MCU: variants seen among roughly 807,000 people sequenced by gnomAD.
The protein encoded by MCU is calcium uniporter protein, mitochondrial.
In MCU, 12 loss-of-function variants were observed where a neutral mutation model predicts 45.2. The ratio of observed to expected loss-of-function variants is 0.27; its 90% CI spans 0.17 to 0.43. The LOEUF (loss-of-function observed/expected upper bound fraction) is 0.43. Ranked by LOEUF, MCU falls within the 20% of genes least tolerant of loss-of-function variation. The pLI, the probability that MCU is intolerant of heterozygous loss-of-function variation, is 1.00. For synonymous variants in MCU, 160 were observed against 165.1 expected, an observed-to-expected ratio of 0.97 and a Z score of 0.24; for missense variants, 324 against 436.7, an observed-to-expected ratio of 0.74 and a Z score of 2.30.
chr10:72,764,084 A>G (rs1306402031), intron 1 of MCU, among the ~76,000 whole-genome samples: 1 of 152,150 alleles, frequency 6.6e-6, no homozygotes, highest in East Asian at 1.9e-4. Context: ...AGCTGACTTT[A>G]TTTCCTTTAG....
chr10:72,836,932 C>T (rs1221521623), intron 2 of MCU, among the ~76,000 whole-genome samples: 1 of 152,168 alleles, frequency 6.6e-6, no homozygotes, highest in Non-Finnish European at 1.5e-5. Flanking sequence ...TCACTCCCTG[C>T]TCTTTGTTGT....
chr10:72,798,591 C>T (rs1037641550), intron 1 of MCU, among the ~76,000 whole-genome samples: 12 of 152,040 alleles, frequency 7.9e-5, no homozygotes, highest in Non-Finnish European at 1.0e-4. Flanking sequence ...ATTTTGTATG[C>T]TCCTCTCAGG....
intron 1 of MCU, among the ~76,000 whole-genome samples, chr10:72,787,204 G>T (rs1462982406): frequency 6.6e-6 from 1 of 152,098 alleles, no homozygotes; most frequent in Non-Finnish European, 1.5e-5. Flanking sequence ...GGCCACTCCC[G>T]CCCACGGTAA....
At chr10:72,813,129 A>G (rs1050216497) in intron 1 of MCU, among the ~76,000 whole-genome samples, 11 of 152,158 alleles carry the variant, frequency 7.2e-5, no homozygotes. Flanking sequence ...GTTCGTTCAA[A>G]CAGATTCCCC....
chr10:72,883,772 G>A (rs1372423267), intron 6 of MCU, among the ~76,000 whole-genome samples: 1 of 152,078 alleles, frequency 6.6e-6, no homozygotes, highest in Non-Finnish European at 1.5e-5. Context: ...CACACAAAAG[G>A]TGAATTTCAC....
intron 1 of MCU, among the ~76,000 whole-genome samples, chr10:72,795,988 A>C (rs993143685): frequency 2.6e-5 from 4 of 151,304 alleles, no homozygotes; most frequent in Admixed American, 2.0e-4. Context: ...ACAGAGCAAG[A>C]CTCCATCTCA....
At chr10:72,717,115 C>T (rs1420501330) in intron 1 of MCU, among the ~76,000 whole-genome samples, 1 of 136,578 alleles carries the variant, frequency 7.3e-6, no homozygotes, top group Non-Finnish European at 1.6e-5. Context: ...TATTTCCTTT[C>T]TCTCTCTCTC....
At chr10:72,820,547 G>T (rs544908798) in intron 1 of MCU, among the ~76,000 whole-genome samples, 233 of 149,122 alleles carry the variant, frequency 1.6e-3, no homozygotes, top group African/African-American at 5.5e-3. Flanking sequence ...AGTCTCACTT[G>T]TTGCTCAGGC....
chr10:72,700,651 C>T (rs1213211985), intron 1 of MCU, among the ~76,000 whole-genome samples: 1 of 152,120 alleles, frequency 6.6e-6, no homozygotes, highest in African/African-American at 2.4e-5. Context: ...TAAATTTTTT[C>T]ACCAATTGGG....
chr10:72,697,537 G>A (rs1334554315), intron 1 of MCU, among the ~76,000 whole-genome samples: 2 of 149,046 alleles, frequency 1.3e-5, no homozygotes, highest in South Asian at 4.2e-4. Context: ...TGGTTCAAGC[G>A]ATTCTCCTGC....
At chr10:72,869,998 C>T (rs544142069) in intron 5 of MCU, among the ~76,000 whole-genome samples, 29 of 152,036 alleles carry the variant, frequency 1.9e-4, no homozygotes, top group Non-Finnish European at 3.2e-4. Context: ...TATATACATA[C>T]ACAGAGAAAG....
At chr10:72,771,365 A>G (rs1005664360) in intron 1 of MCU, among the ~76,000 whole-genome samples, 2 of 152,212 alleles carry the variant, frequency 1.3e-5, no homozygotes, top group African/African-American at 2.4e-5. Flanking sequence ...TGTAAAGGAC[A>G]CAAACTCATC....
At chr10:72,785,824 A>G (rs752377182) in intron 1 of MCU, among the ~76,000 whole-genome samples, 1 of 152,216 alleles carries the variant, frequency 6.6e-6, no homozygotes, top group Non-Finnish European at 1.5e-5. Flanking sequence ...AAATGGATGA[A>G]GAAAATCCTT....
intron 6 of MCU, among the ~76,000 whole-genome samples, chr10:72,883,131 A>G (rs973920512): frequency 1.3e-5 from 2 of 152,222 alleles, no homozygotes; most frequent in African/African-American, 2.4e-5. Context: ...ACAAAAGGCC[A>G]CATATTGTAT....
chr10:72,723,624 TG>T (rs1481505676), intron 1 of MCU, among the ~76,000 whole-genome samples: 3 of 152,234 alleles, frequency 2.0e-5, no homozygotes, highest in Non-Finnish European at 4.4e-5. Flanking sequence ...AACTATATTT[TG>T]CTTTTTTTGC....
rs144721919 is a variant in MCU at position 72,724,399 on chromosome 10, T to C, written c.150+32098T>C. Among the ~76,000 whole-genome samples the C allele has an allele frequency of 5.9e-3, 906 of 152,352 alleles. 12 individuals are homozygous for C. The highest frequency in any genetic ancestry group is 0.021 in the African/African-American group (853 of 41,572). On this transcript the variant is annotated intron_variant, in intron 1 of 7. Coordinates refer to ENST00000373053, the MANE Select transcript of MCU (RefSeq NM_138357.3). ...CCTTTGCTGTGAACTAAAACTCATG[T>C]TCCTTAACTCTCATAGAGATGTTGG...
chr10:72,818,770 G>A (rs976027358), intron 1 of MCU, among the ~76,000 whole-genome samples: 1 of 151,678 alleles, frequency 6.6e-6, no homozygotes, highest in African/African-American at 2.4e-5. Context: ...GAACCTGGGA[G>A]GCAGAGGTTG....
chr10:72,814,051 G>A (rs1844588496), intron 1 of MCU, among the ~76,000 whole-genome samples: 1 of 152,196 alleles, frequency 6.6e-6, no homozygotes, highest in South Asian at 2.1e-4. Context: ...GAAATTGGAG[G>A]AGGTACTTGA....
intron 1 of MCU, among the ~76,000 whole-genome samples, chr10:72,792,218 T>TA (rs1220543445): frequency 6.6e-6 from 1 of 152,128 alleles, no homozygotes; most frequent in African/African-American, 2.4e-5. Context: ...TAAGGGTTTT[T>TA]AAAGGCGGGG....
Sources: allele counts gnomAD v4.1 joint callset (sites outside exome capture counted in the v4.1 genomes callset), GRCh38; gene constraint gnomAD v4.1.1; transcripts MANE v1.5; gene names NCBI Gene and HGNC (gene_info 2026-07-23, HGNC 2026-07-21).